Variants in KIRREL3 observed in about 807,000 individuals in gnomAD.
KIRREL3 encodes the protein kirre like nephrin family adhesion molecule 3.
In KIRREL3, 36 loss-of-function variants were observed where a neutral mutation model predicts 89.7. The ratio of observed to expected loss-of-function variants is 0.40; its 90% CI spans 0.31 to 0.53. The LOEUF (loss-of-function observed/expected upper bound fraction) is 0.53, where lower values mean the gene tolerates loss of function less well. Ranked by LOEUF, KIRREL3 falls within the 20% of genes least tolerant of loss-of-function variation. KIRREL3 has a pLI of 0.49. For missense variants in KIRREL3, 864 were observed against 1,056.6 expected (o/e 0.82, Z 2.53); for synonymous variants, 445 against 441.4 (o/e 1.01, Z -0.10).
intron 1 of KIRREL3, among the ~76,000 whole-genome samples, chr11:126,972,130 A>G (rs977477455): frequency 6.8e-6 from 1 of 146,554 alleles, no homozygotes; most frequent in Non-Finnish European, 1.5e-5. Context: ...GAATTTGTAC[A>G]TTTTCCCTAG....
At chr11:126,770,436 G>A (rs1949984163) in intron 1 of KIRREL3, among the ~76,000 whole-genome samples, 1 of 152,206 alleles carries the variant, frequency 6.6e-6, no homozygotes, top group South Asian at 2.1e-4. Context: ...AGCTCAGACA[G>A]GATGTATGGT....
At chr11:126,921,908 A>G (rs1947335519) in intron 1 of KIRREL3, among the ~76,000 whole-genome samples, 1 of 150,154 alleles carries the variant, frequency 6.7e-6, no homozygotes, top group Non-Finnish European at 1.5e-5. Flanking sequence ...CTATCTATCT[A>G]TCTTCCTATC....
intron 1 of KIRREL3, among the ~76,000 whole-genome samples, chr11:126,626,747 C>A (rs1943803550): frequency 6.6e-6 from 1 of 152,164 alleles, no homozygotes; most frequent in Admixed American, 6.5e-5. Flanking sequence ...AATCCCAGCA[C>A]TTTGGAAGGC....
At position 126,740,595 on chromosome 11, in the gene KIRREL3, G is replaced by C. The variant is rs1203038599; in HGVS notation, c.56-177683C>G. On this transcript the variant is annotated intron_variant, in intron 1 of 16. Coordinates refer to ENST00000525144, the MANE Select transcript of KIRREL3 (RefSeq NM_032531.4). This position sits in a 1 kb window ranked among gnomAD's most constrained non-coding sequence, Gnocchi z 6.0. ...TCGCTCTAGCCCAGCATCCCCTTTT[G>C]TCTTGAGAGGGAAGGCCAATAAGAT... Among the ~76,000 whole-genome samples the C allele has an allele frequency of 1.3e-5, 2 of 152,028 alleles. No homozygotes were observed. Among genetic ancestry groups the C allele is most frequent in the African/African-American group, 4.8e-5 (2 of 41,396 alleles).
rs1267595749 is a variant in KIRREL3 at position 126,715,657 on chromosome 11, T to C, written c.56-152745A>G. 6.6e-6 allele frequency among the ~76,000 whole-genome samples: 1 copy of C among 152,052 alleles called. No individual in the cohort carries two copies. The highest frequency in any genetic ancestry group is 1.5e-5 in the Non-Finnish European group (1 of 68,024). ...AAAAGGGACTACAGCACGTGAAACA[T>C]ACTAAAGAGAAGAGCAAAAATGAGA... On this transcript the variant is annotated intron_variant, in intron 1 of 16. Transcript: ENST00000525144. This position sits in a 1 kb window ranked among gnomAD's most constrained non-coding sequence, Gnocchi z 4.4.
At position 126,687,097 on chromosome 11, in the gene KIRREL3, A is replaced by T. The variant is rs1350756872; in HGVS notation, c.56-124185T>A. Among the ~76,000 whole-genome samples, 1 of 152,144 alleles carries T rather than the reference A, an allele frequency of 6.6e-6. No homozygotes were observed. The highest frequency in any genetic ancestry group is 1.5e-5 in the Non-Finnish European group (1 of 68,024). On this transcript the variant is annotated intron_variant, in intron 1 of 16. Transcript: ENST00000525144. The surrounding 1 kb of genome is among the most constrained non-coding windows in gnomAD (Gnocchi z 4.6). ...CAAGACCACAACACGTGTTCAAGGT[A>T]TGTCTAAGAAGGCTCAAGTTCATGA... is the stretch of plus-strand genomic sequence containing the variant.
rs1940214205 is a variant in KIRREL3, at chr11:126,562,671, C to A, written c.133+164G>T. The stretch of plus-strand genomic sequence containing the variant: ...TGTTTCAGGCATTCACTATGCTTCC[C>A]CATGTGATTGTACAAATGGCTTCAT... On this transcript the variant is annotated intron_variant, in intron 2 of 16. Transcript: ENST00000525144. This position sits in a 1 kb window ranked among gnomAD's most constrained non-coding sequence, Gnocchi z 4.7. 6.6e-6 allele frequency among the ~76,000 whole-genome samples: 1 copy of A among 152,142 alleles called. No individual in the cohort carries two copies. Among genetic ancestry groups the A allele is most frequent in the Non-Finnish European group, 1.5e-5 (1 of 68,032 alleles).
In KIRREL3 at chr11:126,558,711, T is replaced by A. The variant is rs1458678144; in HGVS notation, c.133+4124A>T. On this transcript the variant is annotated intron_variant, in intron 2 of 16. Coordinates refer to ENST00000525144, the MANE Select transcript of KIRREL3 (RefSeq NM_032531.4). This position sits in a 1 kb window ranked among gnomAD's most constrained non-coding sequence, Gnocchi z 4.0. Reference sequence around the variant, plus strand: ...CCTTCTACTCTGCCTGGGAATAGGATCAGGTCTGGGGAAGCCATGTGCTTT... The same window carrying A: ...CCTTCTACTCTGCCTGGGAATAGGAACAGGTCTGGGGAAGCCATGTGCTTT... Among the ~76,000 whole-genome samples the A allele has an allele frequency of 6.6e-6, 1 of 152,102 alleles. No individual in the cohort carries two copies. The highest frequency in any genetic ancestry group is 1.5e-5 in the Non-Finnish European group (1 of 68,022).
chr11:126,874,217 T>TC (rs1466104781), intron 1 of KIRREL3, among the ~76,000 whole-genome samples: 4 of 152,202 alleles, frequency 2.6e-5, no homozygotes, highest in African/African-American at 9.7e-5. Flanking sequence ...TCAGGAACTC[T>TC]CCTAAACTTC....
Position 126,639,988 on chromosome 11 carries a change from C to A in KIRREL3, c.56-77076G>T, listed in dbSNP as rs992404653. Among the ~76,000 whole-genome samples the A allele has an allele frequency of 4.6e-5, 7 of 152,166 alleles. No individual in the cohort carries two copies. Among genetic ancestry groups the A allele is most frequent in the African/African-American group, 1.7e-4 (7 of 41,442 alleles). On this transcript the variant is annotated intron_variant, in intron 1 of 16. Transcript: ENST00000525144. This position sits in a 1 kb window ranked among gnomAD's most constrained non-coding sequence, Gnocchi z 4.3. ...TTACAGTAAAGCATCTATGGAGGAA[C>A]TTGATGTGACATCTGCATGAATACT...
intron 5 of KIRREL3, among the ~76,000 whole-genome samples, chr11:126,465,721 C>T (rs996040284): frequency 1.4e-4 from 22 of 152,246 alleles, no homozygotes; most frequent in Non-Finnish European, 2.2e-4. Context: ...AGGAGAGTGA[C>T]GTGGCCAGAT....
rs887619581 is a variant in KIRREL3, at chr11:126,476,600, A to G, written c.434-3134T>C. Among the ~76,000 whole-genome samples the G allele has an allele frequency of 8.0e-6, 1 of 124,378 alleles. No homozygotes were observed. Among genetic ancestry groups the G allele is most frequent in the Non-Finnish European group, 1.6e-5 (1 of 63,266 alleles). The allele number at this position is 124,378 out of a possible 152,430, so 81.6% of individuals were successfully genotyped here. A position where few individuals can be genotyped will look rare whatever the true frequency, so the allele number is the denominator to read the frequency against. On this transcript the variant is annotated intron_variant, in intron 4 of 16. Transcript: ENST00000525144. This position sits in a 1 kb window ranked among gnomAD's most constrained non-coding sequence, Gnocchi z 6.4. ...CAAATAAGTGGTTATCATGCTGGGT[A>G]TTCATGTAGCCAGGCATTATTGATT...
intron 1 of KIRREL3, among the ~76,000 whole-genome samples, chr11:126,591,390 G>C (rs1942125497): frequency 6.6e-6 from 1 of 152,200 alleles, no homozygotes; most frequent in Admixed American, 6.5e-5. Flanking sequence ...GTGAAATCCT[G>C]TGTGTTCTGG....
At position 126,428,539 on chromosome 11, in the gene KIRREL3, G is replaced by A. The variant is rs1035966818; in HGVS notation, c.1806+640C>T. On this transcript the variant is annotated intron_variant, in intron 15 of 16. Coordinates refer to ENST00000525144, the MANE Select transcript of KIRREL3 (RefSeq NM_032531.4). The surrounding 1 kb of genome is among the most constrained non-coding windows in gnomAD (Gnocchi z 6.4). ...CTATAATAGCTATGTGTGTGTGTGC[G>A]GGGGAGGGGAGGGGATTATATGTTA... Among the ~76,000 whole-genome samples, 8 of 152,090 alleles carry A rather than the reference G, an allele frequency of 5.3e-5. No individual in the cohort carries two copies. Among genetic ancestry groups the A allele is most frequent in the South Asian group, 2.1e-4 (1 of 4,826 alleles).
intron 1 of KIRREL3, among the ~76,000 whole-genome samples, chr11:126,603,545 T>C (rs139279222): frequency 1.4e-4 from 21 of 152,348 alleles, no homozygotes; most frequent in African/African-American, 4.3e-4. Context: ...CCCTGTCTGG[T>C]CCTCACCTCC....
Position 126,429,253 on chromosome 11 carries a change from G to C in KIRREL3, c.1732C>G (p.Arg578Gly). Residue 578 changes from arginine to glycine, a missense_variant, in exon 15 of 17, where the codon CGA becomes GGA. Transcript: ENST00000525144. This position sits in a 1 kb window ranked among gnomAD's most constrained non-coding sequence, Gnocchi z 5.2. ...GGTTCCTTGTGGACAATTTCCACTCGGATATCATTTTTGGCTGACACAACA... is the reference window on the plus strand; with the variant it reads ...GGTTCCTTGTGGACAATTTCCACTCCGATATCATTTTTGGCTGACACAACA... The part of the protein sequence containing the change: ...KGVVSAKNDI[R>G]VEIVHKEPAS... 6.2e-7 allele frequency: 1 copy of C among 1,613,782 alleles called. No individual in the cohort carries two copies. The highest frequency in any genetic ancestry group is 8.5e-7 in the Non-Finnish European group (1 of 1,179,724).
At position 126,811,493 on chromosome 11, in the gene KIRREL3, G is replaced by A. The variant is rs917350654; in HGVS notation, c.55+188962C>T. On this transcript the variant is annotated intron_variant, in intron 1 of 16. Coordinates refer to ENST00000525144, the MANE Select transcript of KIRREL3 (RefSeq NM_032531.4). The surrounding 1 kb of genome is among the most constrained non-coding windows in gnomAD (Gnocchi z 4.3). ...GTTGACAAACTGGACAGATACATGA[G>A]TAATGAATAGGAACCTGTGCATTGG... Among the ~76,000 whole-genome samples, 2 of 152,244 alleles carry A rather than the reference G, an allele frequency of 1.3e-5. No individual in the cohort carries two copies. The highest frequency in any genetic ancestry group is 1.9e-4 in the East Asian group (1 of 5,194).
rs971401589 is a variant in KIRREL3 at position 126,750,310 on chromosome 11, G to A, written c.56-187398C>T. ...CCCATTGAACACATTTCTGTTCCTT[G>A]AAGGTGGCATGAGGATGTTCTCAAC... On this transcript the variant is annotated intron_variant, in intron 1 of 16. Transcript: ENST00000525144. The surrounding 1 kb of genome is among the most constrained non-coding windows in gnomAD (Gnocchi z 4.2). Among the ~76,000 whole-genome samples, 3 of 152,138 alleles carry A rather than the reference G, an allele frequency of 2.0e-5. No homozygotes were observed. The highest frequency in any genetic ancestry group is 7.2e-5 in the African/African-American group (3 of 41,428).
At chr11:126,633,209 C>A (rs1181174368) in intron 1 of KIRREL3, among the ~76,000 whole-genome samples, 3 of 152,130 alleles carry the variant, frequency 2.0e-5, no homozygotes, top group African/African-American at 7.2e-5. Context: ...TTTCCCAACA[C>A]ACACCGGGGC....
Sources: gnomAD v4.1 joint callset for allele counts (sites outside exome capture counted in the v4.1 genomes callset) on GRCh38, gnomAD v4.1.1 for gene constraint, Gnocchi (gnomAD v3.1) non-coding constraint, MANE v1.5 for transcripts, NCBI Gene and HGNC (gene_info 2026-07-23, HGNC 2026-07-21) for gene names.